Variants in NLRP5 observed in about 807,000 individuals in gnomAD.
The protein encoded by NLRP5 is NLR family pyrin domain containing 5, also known as NACHT, LRR and PYD domains-containing protein 5.
Under a neutral mutation model 113.1 loss-of-function variants are expected in NLRP5, and 93 were observed. That is an observed-to-expected ratio of 0.82 (90% CI 0.70 to 0.98). NLRP5 has a LOEUF of 0.98. NLRP5 is among the 50% of genes least tolerant of loss of function. NLRP5 has a pLI of 0.00. For missense variants in NLRP5, 1,808 were observed against 1,514.3 expected (o/e 1.19, Z -3.22); for synonymous variants, 751 against 600.7 (o/e 1.25, Z -3.66).
At chr19:56,028,649 C>A in intron 7 of NLRP5, 140 bp downstream of exon 7, 1 of 849,342 alleles carries the variant, frequency 1.2e-6, no homozygotes, top group Non-Finnish European at 1.8e-6. Context: ...GTCCAGCTGG[C>A]TAAAATGCCA....
chr19:56,049,216 G>A (rs1983841929), intron 11 of NLRP5, among the ~76,000 whole-genome samples: 1 of 149,304 alleles, frequency 6.7e-6, no homozygotes, highest in Non-Finnish European at 1.5e-5. Context: ...TTTTACTCTT[G>A]TTGCCCATGC....
intron 7 of NLRP5, among the ~76,000 whole-genome samples, chr19:56,032,344 CAA>C (rs34855619): frequency 2.0e-4 from 25 of 123,544 alleles, no homozygotes; most frequent in Admixed American, 2.6e-4. Context: ...GACTCCATCT[CAA>C]AAAAAAAAAA....
intron 6 of NLRP5, among the ~76,000 whole-genome samples, chr19:56,024,406 A>G (rs979149390): frequency 8.1e-6 from 1 of 123,922 alleles, no homozygotes. Context: ...ATATATGTAC[A>G]TATATGTATA....
chr19:56,056,024 T>C (rs528084698), intron 13 of NLRP5, among the ~76,000 whole-genome samples: 1 of 152,264 alleles, frequency 6.6e-6, no homozygotes, highest in East Asian at 1.9e-4. Flanking sequence ...TCAGGGATCA[T>C]GGATGTAAAT....
chr19:56,040,729 A>T (rs1983490069), intron 10 of NLRP5, among the ~76,000 whole-genome samples, 193 bp from the exon 11 acceptor site: 1 of 152,086 alleles, frequency 6.6e-6, no homozygotes, highest in Non-Finnish European at 1.5e-5. Flanking sequence ...CAATACTTAG[A>T]GTATTCTTTT....
chr19:56,027,291 G>C lies in NLRP5; in HGVS notation c.1058G>C (p.Arg353Pro). Residue 353 changes from arginine (R) to proline (P), a missense_variant, in exon 7 of 15, where the codon CGA becomes CCA. Transcript: ENST00000390649. ...GCTCCGGTGACGGAGATCATGTCCCGACCAGAAAGGCTGTTGTTCATCATT... is the reference window on the plus strand; with the variant it reads ...GCTCCGGTGACGGAGATCATGTCCCCACCAGAAAGGCTGTTGTTCATCATT... The C allele has an allele frequency of 6.2e-7, 1 of 1,611,768 alleles. No homozygotes were observed. The highest frequency in any genetic ancestry group is 1.1e-5 in the South Asian group (1 of 91,024).
At position 56,033,666 on chromosome 19, in the gene NLRP5, T is replaced by C. The variant is rs199475780; in HGVS notation, c.2572T>C (p.Cys858Arg). The C allele has an allele frequency of 7.6e-5, 122 of 1,613,868 alleles. No individual in the cohort carries two copies. In the African/African-American group the frequency reaches 1.5e-3, roughly 20 times the overall value. ...GAAGGAAGAGGATGTAAGGATGGCG[T>C]GTGAAGCCTTAAAACACCCAAAATG... Residue 858 changes from cysteine to arginine, a missense_variant, in exon 9 of 15, where the codon TGT becomes CGT. Physicochemically the swap from Cys to Arg is radical, Grantham distance 180 (BLOSUM62 -3). Transcript: ENST00000390649.
Position 56,015,596 on chromosome 19 carries a change from C to T in NLRP5, c.509-146C>T, listed in dbSNP as rs974070079. 3 of 518,044 alleles carry T rather than the reference C, an allele frequency of 5.8e-6. No homozygotes were observed. The East Asian group carries it at 9.4e-5, about 16-fold the overall frequency. 32.1% of individuals were successfully genotyped at this position (518,044 alleles called of 1,614,324 possible). A position where few individuals can be genotyped will look rare whatever the true frequency, so the allele number is the denominator to read the frequency against. On this transcript the variant is annotated intron_variant, in intron 3 of 14. Transcript: ENST00000390649. ...ACTTATGTTACTGGCGCACACTGCCCTGGCGCTGAGCCAGTGGTTCTGTGC... is the reference window on the plus strand; with the variant it reads ...ACTTATGTTACTGGCGCACACTGCCTTGGCGCTGAGCCAGTGGTTCTGTGC...
Position 56,041,080 on chromosome 19 carries a change from T to A in NLRP5, c.2945T>A (p.Leu982Gln). The A allele has an allele frequency of 1.2e-6, 2 of 1,613,938 alleles. No individual in the cohort carries two copies. Among genetic ancestry groups the A allele is most frequent in the Non-Finnish European group, 1.7e-6 (2 of 1,179,824 alleles). The change falls in exon 11 of 15, where the codon CTG becomes CAG. Residue 982 changes from leucine to glutamine, a missense_variant. By Grantham distance (113) the Leu-to-Gln change is moderately radical. Coordinates refer to ENST00000390649, the MANE Select transcript of NLRP5 (RefSeq NM_153447.4). ...TCCATGAGGCTTCCCCACTGTAGTC[T>A]GCAGAGGCTGATGTGAGTCTGGCTT...
At chr19:55,990,373 T>C in the NLRP5 span, among the ~76,000 whole-genome samples, 8 of 152,006 alleles carry the variant, frequency 5.3e-5, no homozygotes, top group Admixed American at 2.6e-4. Context: ...ACAAAAGTCA[T>C]ATGCAGTTTT....
At chr19:56,008,957 C>T in intron 3 of NLRP5, 104 bp downstream of exon 3, 2 of 969,442 alleles carry the variant, frequency 2.1e-6, no homozygotes, top group Non-Finnish European at 3.2e-6. Context: ...GTCTAGTGTT[C>T]TTTCTAGTCT....
At chr19:55,991,782 T>A in the NLRP5 span, among the ~76,000 whole-genome samples, 2 of 152,170 alleles carry the variant, frequency 1.3e-5, no homozygotes, top group African/African-American at 4.8e-5. Flanking sequence ...CAAATATAAA[T>A]TAGGTAAATA....
At chr19:56,024,423 A>G (rs1231942739) in intron 6 of NLRP5, among the ~76,000 whole-genome samples, 5 of 139,864 alleles carry the variant, frequency 3.6e-5, no homozygotes, top group South Asian at 2.2e-4. Context: ...TATATATGTT[A>G]TATATACACA....
At chr19:56,016,099 T>C (rs1982392396) in intron 4 of NLRP5, among the ~76,000 whole-genome samples, 1 of 152,196 alleles carries the variant, frequency 6.6e-6, no homozygotes, top group South Asian at 2.1e-4. Flanking sequence ...CAAATCAGGG[T>C]AACTAGTGTA....
intron 14 of NLRP5, among the ~76,000 whole-genome samples, chr19:56,061,111 C>G (rs1984336399): frequency 6.6e-6 from 1 of 152,172 alleles, no homozygotes; most frequent in African/African-American, 2.4e-5. Context: ...CATCAGCAAG[C>G]TCATTCTGTG....
At chr19:56,053,917 C>A in intron 13 of NLRP5, 109 bp downstream of exon 13, 3 of 1,009,230 alleles carry the variant, frequency 3.0e-6, no homozygotes, top group Non-Finnish European at 4.5e-6. Flanking sequence ...ATGAGTCCCT[C>A]AAGTTAGATG....
the NLRP5 span, among the ~76,000 whole-genome samples, chr19:55,991,005 T>G: frequency 7.2e-5 from 11 of 152,110 alleles, no homozygotes; most frequent in Non-Finnish European, 1.3e-4. Flanking sequence ...AAAATTCCGC[T>G]GAGCTGTTGA....
intron 13 of NLRP5, 59 bp downstream of exon 13, chr19:56,053,867 A>C (rs386127): frequency 5.8e-6 from 9 of 1,538,784 alleles, no homozygotes; most frequent in Admixed American, 1.7e-5. Context: ...GGACCCCAGC[A>C]TGAGGTTGCT....
chr19:55,989,195 T>C, the NLRP5 span, among the ~76,000 whole-genome samples: 5 of 152,228 alleles, frequency 3.3e-5, no homozygotes, highest in Non-Finnish European at 7.3e-5. Context: ...AATTCATTTA[T>C]GTCTACTTAT....
Sources: gnomAD v4.1 joint callset for allele counts (sites outside exome capture counted in the v4.1 genomes callset) on GRCh38, gnomAD v4.1.1 for gene constraint, MANE v1.5 for transcripts, NCBI Gene and HGNC (gene_info 2026-07-23, HGNC 2026-07-21) for gene names.